Variants in TLL2 observed in about 807,000 individuals in gnomAD.
TLL2 encodes tolloid like 2.
A neutral mutation model predicts 123.0 loss-of-function variants in TLL2; 106 were observed. The observed-to-expected ratio is 0.86, with a 90% CI of 0.74 to 1.01. TLL2 has a LOEUF of 1.01. TLL2 is among the 50% of genes least tolerant of loss of function. The probability of loss-of-function intolerance (pLI) is 0.00; values close to 1 mark genes in which losing one functional copy is unlikely to be tolerated. For missense variants in TLL2, 1,332 were observed against 1,336.7 expected (o/e 1.00, Z 0.06); for synonymous variants, 494 against 516.8 (o/e 0.96, Z 0.60).
At chr10:96,481,061 T>C (rs762160693) in intron 1 of TLL2, among the ~76,000 whole-genome samples, 2 of 152,172 alleles carry the variant, frequency 1.3e-5, no homozygotes, top group Non-Finnish European at 2.9e-5. Context: ...GGAATAAAGA[T>C]GATGTATAGC....
At chr10:96,500,554 G>GGGCC (rs1847524382) in intron 1 of TLL2, among the ~76,000 whole-genome samples, 1 of 152,168 alleles carries the variant, frequency 6.6e-6, no homozygotes, top group Non-Finnish European at 1.5e-5. Flanking sequence ...AGCACATTGG[G>GGGCC]AGGCCAAGGC....
intron 1 of TLL2, among the ~76,000 whole-genome samples, chr10:96,496,606 G>A (rs1412599427): frequency 2.0e-5 from 3 of 152,234 alleles, no homozygotes; most frequent in Admixed American, 6.5e-5. Context: ...CTCCTGCCTC[G>A]CCTCCTCATC....
At chr10:96,457,150 C>G (rs546458089) in intron 2 of TLL2, among the ~76,000 whole-genome samples, 1 of 152,158 alleles carries the variant, frequency 6.6e-6, no homozygotes, top group African/African-American at 2.4e-5. Context: ...CAGACATAGC[C>G]TTACTGATGA....
intron 2 of TLL2, among the ~76,000 whole-genome samples, chr10:96,462,992 T>A (rs1431211052): frequency 6.6e-6 from 1 of 152,202 alleles, no homozygotes; most frequent in Non-Finnish European, 1.5e-5. Flanking sequence ...ACATGCAAAT[T>A]GGGAGACTCA....
chr10:96,432,878 G>A lies in TLL2; in HGVS notation c.449C>T (p.Ala150Val). ...AKTFSPRVRRATTSRTERIWP... is the reference protein window; with the variant it reads ...AKTFSPRVRRVTTSRTERIWP... ...TATCCTCTCTGTCCTTGAGGTTGTGGCTCTTCGGACCCGGGGAGAGAAGGT... is the reference window on the plus strand; with the variant it reads ...TATCCTCTCTGTCCTTGAGGTTGTGACTCTTCGGACCCGGGGAGAGAAGGT... The change falls in exon 4 of 21, where the codon GCC becomes GTC. Residue 150 changes from alanine (A) to valine (V), a missense_variant. Transcript: ENST00000357947. 6.2e-7 allele frequency: 1 copy of A among 1,614,110 alleles called. No individual in the cohort carries two copies.
Position 96,396,428 on chromosome 10 carries a change from C to T in TLL2, c.1385-408G>A, listed in dbSNP as rs942368919. ...CCGCTGGTAGGAAAGGACCCGTGCG[C>T]GCACACGTGCACACATGCGCACACA... On this transcript the variant is annotated intron_variant, in intron 11 of 20. Transcript: ENST00000357947. 4.6e-5 allele frequency among the ~76,000 whole-genome samples: 7 copies of T among 152,124 alleles called. No individual in the cohort carries two copies. The South Asian group carries it at 8.3e-4, about 18-fold the overall frequency.
chr10:96,432,533 C>A (rs1937092), intron 4 of TLL2, among the ~76,000 whole-genome samples: 86,371 of 151,926 alleles, frequency 0.57, 25,960 homozygotes, highest in East Asian at 0.74. Flanking sequence ...ATCATGCAAA[C>A]CCCACTTATC....
chr10:96,397,423 G>T, intron 10 of TLL2, 121 bp from the exon 11 acceptor site: 1 of 631,710 alleles, frequency 1.6e-6, no homozygotes, highest in Non-Finnish European at 2.7e-6. Flanking sequence ...ACCCTGGCTG[G>T]GACAACTTAT....
chr10:96,513,800 G>C lies in TLL2; in HGVS notation c.-115C>G, dbSNP rs531499814. The C allele has an allele frequency of 8.8e-6, 10 of 1,138,848 alleles. No homozygotes were observed. The African/African-American group carries it at 1.5e-4, about 17-fold the overall frequency. 70.5% of individuals were successfully genotyped at this position (1,138,848 alleles called of 1,614,324 possible). ...CGGCCGGGACTCGGTGGTTACACAG[G>C]GCTGCTGGGCATGGCTCAGGCGCGG... On this transcript the variant is annotated 5_prime_UTR_variant, in exon 1 of 21. Transcript: ENST00000357947.
intron 10 of TLL2, among the ~76,000 whole-genome samples, chr10:96,404,361 C>A (rs1375797416): frequency 1.3e-5 from 2 of 151,974 alleles, no homozygotes; most frequent in African/African-American, 4.8e-5. Context: ...GAGTTCATGC[C>A]CTGTTCATCT....
At chr10:96,395,480 C>T (rs1846331759) in intron 12 of TLL2, 98 bp from the exon 13 acceptor site, 1 of 1,300,270 alleles carries the variant, frequency 7.7e-7, no homozygotes, top group Non-Finnish European at 1.0e-6. Context: ...AAAATCTAAC[C>T]AAGAGGCCAA....
At chr10:96,457,519 G>A (rs1263275314) in intron 2 of TLL2, among the ~76,000 whole-genome samples, 1 of 152,214 alleles carries the variant, frequency 6.6e-6, no homozygotes, top group Non-Finnish European at 1.5e-5. Context: ...AGCCACTGGG[G>A]CCTGGCTCTT....
intron 2 of TLL2, 83 bp downstream of exon 2, chr10:96,480,266 G>T: frequency 8.7e-7 from 1 of 1,146,318 alleles, no homozygotes; most frequent in Non-Finnish European, 1.3e-6. Context: ...GTCAAACACC[G>T]ATGACTCGTG....
At chr10:96,502,317 C>T (rs1465600572) in intron 1 of TLL2, among the ~76,000 whole-genome samples, 1 of 152,166 alleles carries the variant, frequency 6.6e-6, no homozygotes, top group African/African-American at 2.4e-5. Context: ...CAGGTCTGAT[C>T]TTGCAAACGT....
chr10:96,396,096 G>T, intron 11 of TLL2, 76 bp from the exon 12 acceptor site: 1 of 1,539,736 alleles, frequency 6.5e-7, no homozygotes, highest in South Asian at 1.3e-5. Context: ...TTGGGGAGGC[G>T]GGGGGAACAG....
chr10:96,426,163 C>T (rs1007415804), intron 5 of TLL2, among the ~76,000 whole-genome samples: 1 of 151,968 alleles, frequency 6.6e-6, no homozygotes, highest in Non-Finnish European at 1.5e-5. Context: ...CTTCTTTGAC[C>T]AATCAATCTT....
chr10:96,409,165 T>TCACTCAG (rs1401075997), intron 9 of TLL2, among the ~76,000 whole-genome samples: 4 of 152,268 alleles, frequency 2.6e-5, no homozygotes. Context: ...TGCAGGTTTT[T>TCACTCAG]CACTCAGCCC....
chr10:96,485,614 G>A (rs1008566604), intron 1 of TLL2, among the ~76,000 whole-genome samples: 1 of 152,196 alleles, frequency 6.6e-6, no homozygotes, highest in Non-Finnish European at 1.5e-5. Flanking sequence ...CATTTGGATG[G>A]CTAGAATAAA....
At chr10:96,430,823 A>G (rs1178613810) in intron 4 of TLL2, among the ~76,000 whole-genome samples, 1 of 152,198 alleles carries the variant, frequency 6.6e-6, no homozygotes, top group Non-Finnish European at 1.5e-5. Context: ...TTGAGGCTGC[A>G]GTGAGACGTG....
Sources: allele counts gnomAD v4.1 joint callset (sites outside exome capture counted in the v4.1 genomes callset), GRCh38; gene constraint gnomAD v4.1.1; transcripts MANE v1.5; gene names NCBI Gene and HGNC (gene_info 2026-07-23, HGNC 2026-07-21).